Variants in CASQ2 observed in about 807,000 individuals in gnomAD.
CASQ2 encodes the protein calsequestrin-2.
In CASQ2, 49 loss-of-function variants were observed where a neutral mutation model predicts 46.5. That is an observed-to-expected ratio of 1.05 (90% CI 0.84 to 1.34). CASQ2 has a LOEUF of 1.34. Among genes scored for constraint, CASQ2 ranks in the 40% most tolerant of loss-of-function variants. CASQ2 has a pLI of 0.00. For synonymous variants in CASQ2, 174 were observed against 168.5 expected, an observed-to-expected ratio of 1.03 and a Z score of -0.25; for missense variants, 486 against 481.3, an observed-to-expected ratio of 1.01 and a Z score of -0.09.
At chr1:115,753,406 T>C (rs1347792253) in intron 1 of CASQ2, among the ~76,000 whole-genome samples, 1 of 152,128 alleles carries the variant, frequency 6.6e-6, no homozygotes, top group African/African-American at 2.4e-5. Context: ...ATATCAAATG[T>C]TGCAGGGAGT....
Position 115,729,183 on chromosome 1 carries a change from G to A in CASQ2, c.607-2061C>T, listed in dbSNP as rs192383844. Among the ~76,000 whole-genome samples, 47 of 151,804 alleles carry A rather than the reference G, an allele frequency of 3.1e-4. No individual in the cohort carries two copies. In the East Asian group the frequency reaches 7.6e-3, roughly 24 times the overall value. On this transcript the variant is annotated intron_variant, in intron 5 of 10. Transcript: ENST00000261448. Reference sequence around the variant, plus strand: ...TCCTGCCTCAGCCTCCCGAGTAGCTGGGATTATGGGCACAGGCCACCACAC... The same window carrying A: ...TCCTGCCTCAGCCTCCCGAGTAGCTAGGATTATGGGCACAGGCCACCACAC...
chr1:115,713,464 T>C (rs1478594030), intron 8 of CASQ2, among the ~76,000 whole-genome samples: 1 of 152,084 alleles, frequency 6.6e-6, no homozygotes, highest in Non-Finnish European at 1.5e-5. Flanking sequence ...TCCTGGCAGG[T>C]GGAGGTGGGA....
In CASQ2 at chr1:115,727,099, C is replaced by T; in HGVS notation, c.630G>A (p.Lys210=). 6.2e-7 allele frequency: 1 copy of T among 1,613,198 alleles called. No individual in the cohort carries two copies. The highest frequency in any genetic ancestry group is 8.5e-7 in the Non-Finnish European group (1 of 1,179,214). Residue 210 remains lysine, a synonymous_variant, in exon 6 of 11, where the codon AAG becomes AAA. Transcript: ENST00000261448. Reference sequence around the variant, plus strand: ...GCTCATAGAAGTCAACCTCATTCATCTTCAAAGATAATTTCTTTGCAACCT... The same window carrying T: ...GCTCATAGAAGTCAACCTCATTCATTTTCAAAGATAATTTCTTTGCAACCT... ...DKGVAKKLSL[K]MNEVDFYEPF...
chr1:115,763,958 T>C (rs977516439), intron 1 of CASQ2, among the ~76,000 whole-genome samples: 1 of 151,918 alleles, frequency 6.6e-6, no homozygotes, highest in Admixed American at 6.6e-5. Context: ...GTAATGCTAA[T>C]GGAAGTTGGC....
intron 10 of CASQ2, among the ~76,000 whole-genome samples, chr1:115,701,934 T>TG (rs1459751746): frequency 6.6e-6 from 1 of 151,946 alleles, no homozygotes; most frequent in Non-Finnish European, 1.5e-5. Context: ...TTTTTATTTT[T>TG]TTTTTGAGAT....
intron 8 of CASQ2, among the ~76,000 whole-genome samples, chr1:115,705,993 T>A (rs1310336073): frequency 6.6e-6 from 1 of 152,292 alleles, no homozygotes; most frequent in East Asian, 1.9e-4. Flanking sequence ...GAGCATACAA[T>A]TTTTGCCATA....
rs876657751 is a variant in CASQ2 at position 115,725,505 on chromosome 1, T to C, written c.783+3A>G. On this transcript the variant is annotated splice_donor_region_variant and intron_variant, in intron 7 of 10. Coordinates refer to ENST00000261448, the MANE Select transcript of CASQ2 (RefSeq NM_001232.4). ...AGGCAAAGAGAGTTTGCCTCTTTCT[T>C]ACCCATGTTTCAAACATTTCTTCTG... 23 of 1,610,140 alleles carry C rather than the reference T, an allele frequency of 1.4e-5. No homozygotes were observed. Among genetic ancestry groups the C allele is most frequent in the Non-Finnish European group, 1.9e-5 (22 of 1,179,372 alleles).
intron 5 of CASQ2, among the ~76,000 whole-genome samples, chr1:115,729,949 G>A (rs1236120546): frequency 6.6e-6 from 1 of 152,170 alleles, no homozygotes; most frequent in East Asian, 1.9e-4. Context: ...GGGGACATGG[G>A]ATTTTAAGAA....
At chr1:115,727,358 G>A (rs555938096) in intron 5 of CASQ2, among the ~76,000 whole-genome samples, 5 of 152,250 alleles carry the variant, frequency 3.3e-5, no homozygotes, top group Admixed American at 6.5e-5. Flanking sequence ...AGCAAATGAG[G>A]GTCGGGCAGG....
rs149553886 is a variant in CASQ2, at chr1:115,750,712, T to G, written c.235-5800A>C. On this transcript the variant is annotated intron_variant, in intron 1 of 10. Transcript: ENST00000261448. Reference sequence around the variant, plus strand: ...TTGTCGAGATAGGGTCTTGCTTTGTTGCCAGGACTAGTCTTGAGCTCCTGG... The same window carrying G: ...TTGTCGAGATAGGGTCTTGCTTTGTGGCCAGGACTAGTCTTGAGCTCCTGG... Among the ~76,000 whole-genome samples the G allele has an allele frequency of 8.3e-4, 127 of 152,322 alleles. 4 individuals carry two copies. In the East Asian group the frequency reaches 0.023, roughly 28 times the overall value.
rs1018626386 is a variant in CASQ2, at chr1:115,735,272, GT to G, written c.533-2299del. Among the ~76,000 whole-genome samples the G allele has an allele frequency of 3.9e-5, 6 of 152,264 alleles. No homozygotes were observed. The East Asian group carries it at 5.8e-4, about 15-fold the overall frequency. ...TAACTCCTTCTCTTTATAGCTTTTG[GT>G]GAAGAAATGGGTTCAGGAGACCTCT... On this transcript the variant is annotated intron_variant, in intron 4 of 10. Coordinates refer to ENST00000261448, the MANE Select transcript of CASQ2 (RefSeq NM_001232.4).
At chr1:115,739,395 A>T (rs111452798) in intron 3 of CASQ2, among the ~76,000 whole-genome samples, 16 of 152,028 alleles carry the variant, frequency 1.1e-4, no homozygotes, top group Admixed American at 3.9e-4. Flanking sequence ...GATTACAGGC[A>T]TGAGCCACCA....
chr1:115,761,495 AGG>A, intron 1 of CASQ2, among the ~76,000 whole-genome samples: 1 of 40,282 alleles, frequency 2.5e-5, no homozygotes, highest in African/African-American at 9.6e-5. Context: ...AAGGAGAAGA[AGG>A]AGAAGAAGAA....
At chr1:115,753,789 A>G (rs900523881) in intron 1 of CASQ2, among the ~76,000 whole-genome samples, 2 of 152,156 alleles carry the variant, frequency 1.3e-5, no homozygotes, top group South Asian at 2.1e-4. Flanking sequence ...TTTACTACAC[A>G]GTCAGAGGGA....
intron 1 of CASQ2, among the ~76,000 whole-genome samples, chr1:115,765,742 A>AG (rs1649113550): frequency 6.6e-6 from 1 of 152,034 alleles, no homozygotes; most frequent in Non-Finnish European, 1.5e-5. Context: ...TTAAGCTGCG[A>AG]GGGGGAAGGG....
At chr1:115,761,461 AAGGAGAAGAAGAAGAAGAAGAAGAAGG>A (rs1557806725) in intron 1 of CASQ2, among the ~76,000 whole-genome samples, 4 of 14,220 alleles carry the variant, frequency 2.8e-4, no homozygotes, top group African/African-American at 4.5e-4. Flanking sequence ...GAAGAAGAAG[AAGGAGAAGAAGAAGAAGAAGAAGAAGG>A]AGAAGAAGGA....
chr1:115,730,713 C>G (rs1443264590), intron 5 of CASQ2, among the ~76,000 whole-genome samples: 4 of 152,146 alleles, frequency 2.6e-5, no homozygotes, highest in Non-Finnish European at 5.9e-5. Flanking sequence ...CTCTCATCAT[C>G]TCATCAATGG....
intron 7 of CASQ2, among the ~76,000 whole-genome samples, chr1:115,724,531 A>G (rs943981548): frequency 6.6e-6 from 1 of 152,224 alleles, no homozygotes; most frequent in Non-Finnish European, 1.5e-5. Context: ...AAAAAGATGC[A>G]TGAAATGCTT....
intron 5 of CASQ2, 103 bp from the exon 6 acceptor site, chr1:115,727,225 A>C: frequency 1.1e-6 from 1 of 892,950 alleles, no homozygotes. Context: ...GCAAAGACAT[A>C]AAAACAGATG....
Sources: allele counts gnomAD v4.1 joint callset (sites outside exome capture counted in the v4.1 genomes callset), GRCh38; gene constraint gnomAD v4.1.1; transcripts MANE v1.5; gene names NCBI Gene and HGNC (gene_info 2026-07-23, HGNC 2026-07-21).